Variants in HHATL observed in about 807,000 individuals in gnomAD.
HHATL encodes hedgehog acyltransferase like, also known as protein-cysteine N-palmitoyltransferase HHAT-like protein.
Under a neutral mutation model 59.7 loss-of-function variants are expected in HHATL, and 49 were observed. The ratio of observed to expected loss-of-function variants is 0.82; its 90% CI spans 0.65 to 1.04. HHATL has a LOEUF of 1.04. Ranked by LOEUF, HHATL falls within the 50% of genes least tolerant of loss-of-function variation. HHATL has a pLI of 0.00. For synonymous variants in HHATL, 238 were observed against 257.3 expected (o/e 0.93, Z 0.72); for missense variants, 605 against 650.8 (o/e 0.93, Z 0.77).
chr3:42,698,500 A>T (rs1481442649), intron 5 of HHATL, 149 bp from the exon 6 acceptor site: 2 of 953,196 alleles, frequency 2.1e-6, no homozygotes, highest in African/African-American at 3.3e-5. Context: ...CCACTGCTCT[A>T]TCCCAGCAAT....
intron 5 of HHATL, 128 bp from the exon 6 acceptor site, chr3:42,698,479 G>T: frequency 9.9e-7 from 1 of 1,010,342 alleles, no homozygotes; most frequent in Non-Finnish European, 1.4e-6. Context: ...TCCAGAGCCA[G>T]TTAACTTTGG....
chr3:42,693,757 C>T lies in HHATL; in HGVS notation c.1108G>A (p.Val370Met). The change falls in exon 10 of 12, where the codon GTG becomes ATG. Residue 370 changes from valine (V) to methionine (M), a missense_variant. Coordinates refer to ENST00000441594, the MANE Select transcript of HHATL (RefSeq NM_020707.4). ...AGTGTGGTGATGGCAAATGTGGCCA[C>T]TGTGGCTGCCAGCTCTGGGATCACA... ...SAVIPELAAT[V>M]ATFAITTLWL... is the part of the protein sequence containing the mutation. 2 of 1,614,154 alleles carry T rather than the reference C, an allele frequency of 1.2e-6. No homozygotes were observed. The highest frequency in any genetic ancestry group is 1.1e-5 in the South Asian group (1 of 91,080).
chr3:42,699,737 C>G (rs890979527), intron 3 of HHATL, 21 bp downstream of exon 3: 20 of 1,568,550 alleles, frequency 1.3e-5, no homozygotes, highest in Non-Finnish European at 1.6e-5. Context: ...TGGGAGGGAC[C>G]CTGGGATGTG....
At chr3:42,696,428 G>A (rs1456553021) in intron 9 of HHATL, among the ~76,000 whole-genome samples, 1 of 152,082 alleles carries the variant, frequency 6.6e-6, no homozygotes, top group Non-Finnish European at 1.5e-5. Context: ...CAGAAACCCA[G>A]ACCCTCAGAC....
In HHATL at chr3:42,693,614, C is replaced by T. The variant is rs1697453401; in HGVS notation, c.1248+3G>A. 1.2e-6 allele frequency: 2 copies of T among 1,613,480 alleles called. No homozygotes were observed. The highest frequency in any genetic ancestry group is 2.2e-5 in the East Asian group (1 of 44,862). ...GTCCCAGCCCCAGGTCTTCCCTGCT[C>T]ACCTCAATTCGTGCTAGGGGCCCCC... On this transcript the variant is annotated splice_donor_region_variant and intron_variant, in intron 10 of 11. Coordinates refer to ENST00000441594, the MANE Select transcript of HHATL (RefSeq NM_020707.4).
Position 42,692,818 on chromosome 3 carries a change from A to G in HHATL, c.1448T>C (p.Val483Ala). ...TGCCAAGGTTCGCTCACGCTCCTTT[A>G]CCAGCTGGACGCCACAGTAGGTGAC... Reference protein sequence around the residue: ...LFVTYCGVQLVKERERTLALE... With the variant: ...LFVTYCGVQLAKERERTLALE... The change falls in exon 12 of 12, where the codon GTA becomes GCA. Residue 483 changes from valine (V) to alanine (A), a missense_variant. Val to Ala is a moderately conservative substitution (Grantham distance 64). Coordinates refer to ENST00000441594, the MANE Select transcript of HHATL (RefSeq NM_020707.4). The G allele has an allele frequency of 6.2e-7, 1 of 1,614,086 alleles. No homozygotes were observed. Among genetic ancestry groups the G allele is most frequent in the African/African-American group, 1.3e-5 (1 of 75,002 alleles).
chr3:42,698,690 C>T lies in HHATL; in HGVS notation c.483+18G>A, dbSNP rs775839113. ...GGGATCTTATCCCTACACCCTCTAC[C>T]CCTGCACCAGTTCACACCTGCCAAG... On this transcript the variant is annotated intron_variant, in intron 5 of 11. Coordinates refer to ENST00000441594, the MANE Select transcript of HHATL (RefSeq NM_020707.4). The T allele has an allele frequency of 6.5e-7, 1 of 1,541,006 alleles. No individual in the cohort carries two copies. Among genetic ancestry groups the T allele is most frequent in the South Asian group, 1.3e-5 (1 of 77,366 alleles).
In HHATL at chr3:42,698,843, A is replaced by C. The variant is rs1697781752; in HGVS notation, c.348T>G (p.Pro116=). The C allele has an allele frequency of 6.2e-7, 1 of 1,613,490 alleles. No homozygotes were observed. The part of the protein sequence containing the change: ...GALAVMGTMG[P]WYLLLLLGHC... ...GACCAAGCAGCAGCAGCAGGTACCA[A>C]GGGCCCATTGTGCCCATCACAGCCA... Residue 116 remains proline (P), a synonymous_variant, in exon 5 of 12, where the codon CCT becomes CCG. Transcript: ENST00000441594.
intron 3 of HHATL, 104 bp from the exon 4 acceptor site, chr3:42,699,249 C>T: frequency 1.8e-6 from 1 of 551,930 alleles, no homozygotes; most frequent in Non-Finnish European, 3.2e-6. Flanking sequence ...CTTTCCCAGC[C>T]TTCATGTTCT....
chr3:42,700,220 TTG>T (rs1159497030), intron 2 of HHATL, among the ~76,000 whole-genome samples: 14 of 80,366 alleles, frequency 1.7e-4, no homozygotes, highest in African/African-American at 6.5e-4. Context: ...GTCTGTGTGT[TTG>T]TGTGTGTGTC....
chr3:42,694,545 A>G (rs1182835370), intron 9 of HHATL, among the ~76,000 whole-genome samples: 1 of 152,212 alleles, frequency 6.6e-6, no homozygotes, highest in East Asian at 1.9e-4. Context: ...CCCCATTACA[A>G]TAGGAATAAA....
rs545815717 is a variant in HHATL at position 42,701,801 on chromosome 3, G to A, written c.-14+778C>T. On this transcript the variant is annotated intron_variant, in intron 1 of 11. Transcript: ENST00000441594. The surrounding 1 kb of genome is among the most constrained non-coding windows in gnomAD (Gnocchi z 5.1). ...CAAGGACTCCATGGATACAGACATA[G>A]GACCCAAATTAAAGGGAGGAAGCAG... is the stretch of plus-strand genomic sequence containing the variant. Among the ~76,000 whole-genome samples, 2 of 152,344 alleles carry A rather than the reference G, an allele frequency of 1.3e-5. No individual in the cohort carries two copies. Among genetic ancestry groups the A allele is most frequent in the South Asian group, 4.1e-4 (2 of 4,828 alleles).
At position 42,701,054 on chromosome 3, in the gene HHATL, A is replaced by G. The variant is rs1697959061; in HGVS notation, c.-13-215T>C. ...CATCCCAGCTGCTGCTCTTGCCCCCACCCCACCCATCAAGGCTCTTGCCCG... is the reference window on the plus strand; with the variant it reads ...CATCCCAGCTGCTGCTCTTGCCCCCGCCCCACCCATCAAGGCTCTTGCCCG... On this transcript the variant is annotated intron_variant, in intron 1 of 11. Coordinates refer to ENST00000441594, the MANE Select transcript of HHATL (RefSeq NM_020707.4). The surrounding 1 kb of genome is among the most constrained non-coding windows in gnomAD (Gnocchi z 5.1). The G allele has an allele frequency of 2.0e-6, 1 of 507,898 alleles. No homozygotes were observed. Among genetic ancestry groups the G allele is most frequent in the Admixed American group, 3.3e-5 (1 of 30,504 alleles). The allele number at this position is 507,898 out of a possible 1,614,324, so 31.5% of individuals were successfully genotyped here.
Position 42,699,088 on chromosome 3 carries a change from A to G in HHATL, c.232T>C (p.Phe78Leu). 7 of 1,614,074 alleles carry G rather than the reference A, an allele frequency of 4.3e-6. No individual in the cohort carries two copies. Among genetic ancestry groups the G allele is most frequent in the Non-Finnish European group, 5.9e-6 (7 of 1,180,006 alleles). The change falls in exon 4 of 12, where the codon TTT becomes CTT. Residue 78 changes from phenylalanine to leucine, a missense_variant. Transcript: ENST00000441594. ...WFTSFRNVII[F>L]ALSGHVLFAK... ...AACAGCACATGTCCGGAGAGGGCAA[A>G]GATGATGACGTTGCGAAAGGAGGTG...
In HHATL at chr3:42,699,076, C is replaced by T. The variant is rs746347440; in HGVS notation, c.244G>A (p.Gly82Arg). Residue 82 changes from glycine to arginine, a missense_variant, in exon 4 of 12, where the codon GGA becomes AGA. Coordinates refer to ENST00000441594, the MANE Select transcript of HHATL (RefSeq NM_020707.4). ...FRNVIIFALS[G>R]HVLFAKLCTM... ...CAGAGTTTAGCAAACAGCACATGTC[C>T]GGAGAGGGCAAAGATGATGACGTTG... 9.9e-6 allele frequency: 16 copies of T among 1,614,042 alleles called. No homozygotes were observed. In the East Asian group the frequency reaches 1.1e-4, roughly 11 times the overall value.
At chr3:42,700,336 GTGTGTGTGTCTGGGTCTAGGTCTC>G (rs1697896788) in intron 2 of HHATL, among the ~76,000 whole-genome samples, 1 of 148,042 alleles carries the variant, frequency 6.8e-6, no homozygotes, top group African/African-American at 2.5e-5. Flanking sequence ...CTGTGTGTTT[GTGTGTGTGTCTGGGTCTAGGTCTC>G]TGTGTGTGTG....
rs2125854180 is a variant in HHATL at position 42,697,788 on chromosome 3, G to C, written c.694-109C>G. ...GCAGGAGGAGCCATGGCTTTATCCAGGAGTCCTGCCTGAGGGTGGAGACAG... is the reference window on the plus strand; with the variant it reads ...GCAGGAGGAGCCATGGCTTTATCCACGAGTCCTGCCTGAGGGTGGAGACAG... On this transcript the variant is annotated intron_variant, in intron 6 of 11. Transcript: ENST00000441594. 4 of 1,182,728 alleles carry C rather than the reference G, an allele frequency of 3.4e-6. No homozygotes were observed. In the South Asian group the frequency reaches 6.1e-5, roughly 18 times the overall value. The allele number at this position is 1,182,728 out of a possible 1,614,324, so 73.3% of individuals were successfully genotyped here. A position where few individuals can be genotyped will look rare whatever the true frequency, so the allele number is the denominator to read the frequency against.
rs1559617005 is a variant in HHATL, at chr3:42,692,784, C to T, written c.1482G>A (p.Glu494=). 8.7e-6 allele frequency: 14 copies of T among 1,614,250 alleles called. No individual in the cohort carries two copies. The highest frequency in any genetic ancestry group is 1.2e-5 in the Non-Finnish European group (14 of 1,180,046). The change falls in exon 12 of 12, where the codon GAG becomes GAA. Residue 494 remains glutamate (E), a synonymous_variant. Coordinates refer to ENST00000441594, the MANE Select transcript of HHATL (RefSeq NM_020707.4). The part of the protein sequence containing the change: ...KERERTLALE[E]EQKQDKEKPE ...GCTTCTCTTTGTCCTGCTTCTGCTC[C>T]TCCTCCAGTGCCAAGGTTCGCTCAC...
rs1351488041 is a variant in HHATL at position 42,699,055 on chromosome 3, G to A, written c.265C>T (p.Leu89Phe). 3.7e-6 allele frequency: 6 copies of A among 1,614,184 alleles called. No individual in the cohort carries two copies. In the East Asian group the frequency reaches 1.1e-4, roughly 30 times the overall value. Residue 89 changes from leucine to phenylalanine, a missense_variant, in exon 4 of 12, where the codon CTC becomes TTC. Transcript: ENST00000441594. Reference sequence around the variant, plus strand: ...ACCTTTGGGGCAACCATCGTGCAGAGTTTAGCAAACAGCACATGTCCGGAG... The same window carrying A: ...ACCTTTGGGGCAACCATCGTGCAGAATTTAGCAAACAGCACATGTCCGGAG... ...ALSGHVLFAKLCTMVAPKLRS... is the reference protein window; with the variant it reads ...ALSGHVLFAKFCTMVAPKLRS...
Sources: gnomAD v4.1 joint callset for allele counts (sites outside exome capture counted in the v4.1 genomes callset) on GRCh38, gnomAD v4.1.1 for gene constraint, Gnocchi (gnomAD v3.1) non-coding constraint, MANE v1.5 for transcripts, NCBI Gene and HGNC (gene_info 2026-07-23, HGNC 2026-07-21) for gene names.